Variants in DLG2 observed in about 807,000 individuals in gnomAD.
The protein encoded by DLG2 is discs large MAGUK scaffold protein 2, also known as disks large homolog 2.
Under a neutral mutation model 132.5 loss-of-function variants are expected in DLG2, and 45 were observed. That is an observed-to-expected ratio of 0.34 (90% CI 0.27 to 0.44). The LOEUF is 0.44. Among genes scored for constraint, DLG2 ranks in the 20% least tolerant of loss-of-function variants. DLG2 has a pLI of 1.00. For synonymous variants in DLG2, 424 were observed against 419.6 expected (o/e 1.01, Z -0.13); for missense variants, 1,045 against 1,196.9 (o/e 0.87, Z 1.87).
chr11:84,179,444 G>A (rs1160333122), intron 8 of DLG2, among the ~76,000 whole-genome samples: 8 of 152,092 alleles, frequency 5.3e-5, no homozygotes. Context: ...ATACCTCTTT[G>A]GGAACCAGTG....
intron 18 of DLG2, among the ~76,000 whole-genome samples, chr11:83,706,399 G>A (rs2153654139): frequency 6.6e-6 from 1 of 152,200 alleles, no homozygotes; most frequent in East Asian, 1.9e-4. Flanking sequence ...GGCAGCGGCT[G>A]AATGACCACT....
chr11:85,109,634 T>G (rs752045068), intron 6 of DLG2, among the ~76,000 whole-genome samples: 2 of 152,132 alleles, frequency 1.3e-5, no homozygotes, highest in Non-Finnish European at 2.9e-5. Context: ...ATTAATATTT[T>G]GGGCTGAAAT....
chr11:83,925,155 C>T (rs1000300589), intron 15 of DLG2, among the ~76,000 whole-genome samples: 28 of 152,172 alleles, frequency 1.8e-4, no homozygotes, highest in African/African-American at 2.6e-4. Context: ...CACAGAGTAG[C>T]GTTTCAGATA....
Position 84,679,860 on chromosome 11 carries a change from T to C in DLG2, c.358-145129A>G, listed in dbSNP as rs113973211. On this transcript the variant is annotated intron_variant, in intron 6 of 27. Transcript: ENST00000376104. ...AGACTCTTATGAAAAAGAATAAATATTGGGTTTGGGACAATTTATTCATGT... is the reference window on the plus strand; with the variant it reads ...AGACTCTTATGAAAAAGAATAAATACTGGGTTTGGGACAATTTATTCATGT... Among the ~76,000 whole-genome samples, 627 of 152,164 alleles carry C rather than the reference T, an allele frequency of 4.1e-3. 10 individuals are homozygous for C. Among genetic ancestry groups the C allele is most frequent in the African/African-American group, 0.014 (598 of 41,528 alleles).
intron 15 of DLG2, among the ~76,000 whole-genome samples, chr11:83,883,078 T>C (rs986696465): frequency 1.3e-5 from 2 of 152,230 alleles, no homozygotes; most frequent in African/African-American, 2.4e-5. Flanking sequence ...GATTTCTTAA[T>C]TGCCCACAAT....
chr11:84,721,493 T>G (rs909729428), intron 6 of DLG2, among the ~76,000 whole-genome samples: 44 of 151,684 alleles, frequency 2.9e-4, no homozygotes, highest in African/African-American at 1.0e-3. Flanking sequence ...GGATGTTTTA[T>G]TGTTTGTTTG....
chr11:85,201,446 A>T (rs551111731), intron 4 of DLG2, among the ~76,000 whole-genome samples: 1 of 152,004 alleles, frequency 6.6e-6, no homozygotes, highest in South Asian at 2.1e-4. Flanking sequence ...TTTCCCACAC[A>T]GCCCTGGTAT....
At chr11:84,485,729 G>T (rs1280499129) in intron 7 of DLG2, among the ~76,000 whole-genome samples, 1 of 152,130 alleles carries the variant, frequency 6.6e-6, no homozygotes, top group East Asian at 1.9e-4. Flanking sequence ...CTACTGTAGT[G>T]TAGGCATATA....
At chr11:84,614,583 T>C (rs193036874) in intron 6 of DLG2, among the ~76,000 whole-genome samples, 75 of 152,344 alleles carry the variant, frequency 4.9e-4, no homozygotes, top group Middle Eastern at 6.8e-3. Flanking sequence ...TAAAGTGAAC[T>C]GTAGTCAGGG....
intron 7 of DLG2, among the ~76,000 whole-genome samples, chr11:84,514,196 T>C (rs546281675): frequency 3.5e-4 from 53 of 152,164 alleles, no homozygotes; most frequent in Admixed American, 9.8e-4. Flanking sequence ...TAATAACGAA[T>C]GCTGGTGGGG....
chr11:85,576,297 G>C (rs770930924), intron 3 of DLG2, among the ~76,000 whole-genome samples: 69 of 152,146 alleles, frequency 4.5e-4, no homozygotes, highest in Non-Finnish European at 7.4e-4. Flanking sequence ...AAATGATGCT[G>C]TTTTGATTGT....
intron 8 of DLG2, among the ~76,000 whole-genome samples, chr11:84,190,779 C>G (rs2096391918): frequency 6.6e-6 from 1 of 152,172 alleles, no homozygotes; most frequent in South Asian, 2.1e-4. Context: ...ACATTTCCTT[C>G]CAATCAAAAT....
At chr11:84,973,192 C>T (rs2054354519) in intron 6 of DLG2, among the ~76,000 whole-genome samples, 1 of 152,014 alleles carries the variant, frequency 6.6e-6, no homozygotes, top group South Asian at 2.1e-4. Flanking sequence ...CTCCTAACCT[C>T]AGGTGATCTG....
rs971427324 is a variant in DLG2, at chr11:83,755,982, T to G, written c.1825+30708A>C. Among the ~76,000 whole-genome samples the G allele has an allele frequency of 1.7e-4, 25 of 151,366 alleles. 1 individual carries two copies. The highest frequency in any genetic ancestry group is 5.9e-4 in the African/African-American group (24 of 40,662). On this transcript the variant is annotated intron_variant, in intron 18 of 27. Coordinates refer to ENST00000376104, the MANE Select transcript of DLG2 (RefSeq NM_001142699.3). The stretch of plus-strand genomic sequence containing the variant: ...ATTAATTTTGAAAATGTCAAGGTCC[T>G]ACTGCATATACTTTTTGCTTCAGCA...
At chr11:84,712,377 T>C (rs1000706879) in intron 6 of DLG2, among the ~76,000 whole-genome samples, 7 of 152,100 alleles carry the variant, frequency 4.6e-5, no homozygotes, top group African/African-American at 1.7e-4. Flanking sequence ...AAAAGGTCAA[T>C]GCAGCCTGCT....
chr11:84,179,559 GC>G (rs1318789115), intron 8 of DLG2, among the ~76,000 whole-genome samples: 23 of 152,250 alleles, frequency 1.5e-4, no homozygotes, highest in Admixed American at 1.4e-3. Flanking sequence ...GGGCCGCCAC[GC>G]TTTTGTGAGT....
intron 15 of DLG2, among the ~76,000 whole-genome samples, chr11:83,891,267 TAAG>T (rs59863539): frequency 0.29 from 43,814 of 151,544 alleles, 6,817 homozygotes; most frequent in African/African-American, 0.39. Flanking sequence ...AAAAAAAGAC[TAAG>T]AAGGAGAGAA....
At chr11:83,752,407 G>C (rs758755545) in intron 18 of DLG2, among the ~76,000 whole-genome samples, 3 of 152,164 alleles carry the variant, frequency 2.0e-5, no homozygotes, top group Non-Finnish European at 2.9e-5. Context: ...AATCATCCAA[G>C]TATGAATCAT....
rs139088732 is a variant in DLG2, at chr11:84,920,150, T to C, written c.357+191511A>G. On this transcript the variant is annotated intron_variant, in intron 6 of 27. Transcript: ENST00000376104. ...GTAAAACAATTTACAAAGTGTTAGATTGTGATGACCACTCAGTCAATTCAA... is the reference window on the plus strand; with the variant it reads ...GTAAAACAATTTACAAAGTGTTAGACTGTGATGACCACTCAGTCAATTCAA... 6.9e-3 allele frequency among the ~76,000 whole-genome samples: 1,050 copies of C among 152,336 alleles called. 6 individuals are homozygous for C. The highest frequency in any genetic ancestry group is 0.014 in the Middle Eastern group (4 of 294).
Sources: allele counts gnomAD v4.1 joint callset (sites outside exome capture counted in the v4.1 genomes callset), GRCh38; gene constraint gnomAD v4.1.1; transcripts MANE v1.5; gene names NCBI Gene and HGNC (gene_info 2026-07-23, HGNC 2026-07-21).